Variants in MAD1L1 observed in about 807,000 individuals in gnomAD.
The protein encoded by MAD1L1 is mitotic arrest deficient 1 like 1, also known as mitotic spindle assembly checkpoint protein MAD1.
Under a neutral mutation model 96.9 loss-of-function variants are expected in MAD1L1, and 95 were observed. That is an observed-to-expected ratio of 0.98 (90% CI 0.83 to 1.16). The LOEUF is 1.16. MAD1L1 is among the 50% of genes most tolerant of loss of function. The pLI is 0.00. For synonymous variants in MAD1L1, 473 were observed against 396.6 expected, an observed-to-expected ratio of 1.19 and a Z score of -2.29; for missense variants, 1,007 against 954.4, an observed-to-expected ratio of 1.06 and a Z score of -0.73.
chr7:1,923,010 G>C (rs1181034886), intron 17 of MAD1L1, among the ~76,000 whole-genome samples: 1 of 152,160 alleles, frequency 6.6e-6, no homozygotes, highest in Non-Finnish European at 1.5e-5. Context: ...TTTGAAGTTG[G>C]GGTAAATGCT....
intron 17 of MAD1L1, among the ~76,000 whole-genome samples, chr7:1,927,151 C>A (rs1475685714): frequency 1.4e-4 from 21 of 151,744 alleles, no homozygotes. Context: ...ACAATAAAAC[C>A]AACAAAACCA....
At chr7:2,187,134 G>A (rs1240534575) in intron 10 of MAD1L1, among the ~76,000 whole-genome samples, 2 of 151,980 alleles carry the variant, frequency 1.3e-5, no homozygotes, top group Non-Finnish European at 2.9e-5. Flanking sequence ...GATCACTTGA[G>A]GTCAGGAGTT....
At chr7:2,070,912 C>T (rs1785093904) in intron 11 of MAD1L1, among the ~76,000 whole-genome samples, 1 of 152,134 alleles carries the variant, frequency 6.6e-6, no homozygotes, top group Admixed American at 6.5e-5. Context: ...ATGGCGCTTT[C>T]TTGGGCAGTG....
At chr7:2,002,458 G>A (rs886997206) in intron 13 of MAD1L1, among the ~76,000 whole-genome samples, 2 of 152,240 alleles carry the variant, frequency 1.3e-5, no homozygotes, top group East Asian at 3.8e-4. Flanking sequence ...TGGAACTGGG[G>A]AGAGACGGAG....
At chr7:2,130,164 G>A (rs778211480) in intron 11 of MAD1L1, among the ~76,000 whole-genome samples, 7 of 152,232 alleles carry the variant, frequency 4.6e-5, no homozygotes, top group Non-Finnish European at 8.8e-5. Context: ...CCCTGCCTTC[G>A]GCCCGCAGCA....
chr7:1,936,735 C>T lies in MAD1L1; in HGVS notation c.1759G>A (p.Asp587Asn), dbSNP rs758433048. The T allele has an allele frequency of 5.1e-5, 79 of 1,563,294 alleles. No homozygotes were observed. The highest frequency in any genetic ancestry group is 9.5e-5 in the Admixed American group (5 of 52,768). ...AGACTCGCGGCGGCAGCCTCAAGGT[C>T]GGCTGGGACGGTGCCTCCTCTCTCC... The part of the protein sequence containing the change: ...AMERGGTVPA[D>N]LEAAAASLPS... Residue 587 changes from aspartate to asparagine, a missense_variant, in exon 17 of 19, where the codon GAC becomes AAC. By Grantham distance (23) the Asp-to-Asn change is conservative. Transcript: ENST00000265854.
In MAD1L1 at chr7:2,156,276, G is replaced by A. The variant is rs188267139; in HGVS notation, c.987-7038C>T. Among the ~76,000 whole-genome samples the A allele has an allele frequency of 3.5e-3, 529 of 152,142 alleles. 7 individuals carry two copies. Among genetic ancestry groups the A allele is most frequent in the African/African-American group, 0.012 (483 of 41,430 alleles). ...ACGGCGCGTGTGGCGAGGGGAGCGGGCGCATGGTTTCACGGCGCGTGTGGC... is the reference window on the plus strand; with the variant it reads ...ACGGCGCGTGTGGCGAGGGGAGCGGACGCATGGTTTCACGGCGCGTGTGGC... On this transcript the variant is annotated intron_variant, in intron 10 of 18. Coordinates refer to ENST00000265854, the MANE Select transcript of MAD1L1 (RefSeq NM_001013836.2).
intron 12 of MAD1L1, among the ~76,000 whole-genome samples, chr7:2,024,648 G>A (rs774100335): frequency 1.3e-5 from 2 of 152,168 alleles, no homozygotes; most frequent in Non-Finnish European, 2.9e-5. Flanking sequence ...ATCACTCAGG[G>A]TTTAGTGCTT....
At chr7:2,010,623 C>T (rs1782255336) in intron 13 of MAD1L1, among the ~76,000 whole-genome samples, 1 of 152,224 alleles carries the variant, frequency 6.6e-6, no homozygotes, top group Non-Finnish European at 1.5e-5. Context: ...GTTCTCCCAA[C>T]TCAACACTGT....
intron 14 of MAD1L1, among the ~76,000 whole-genome samples, chr7:1,992,208 A>C (rs1781384433): frequency 6.6e-6 from 1 of 150,752 alleles, no homozygotes; most frequent in African/African-American, 2.5e-5. Flanking sequence ...CACCTGCCCC[A>C]CCAGAGCGCC....
In MAD1L1 at chr7:2,207,056, C is replaced by T. The variant is rs1051444721; in HGVS notation, c.986+6156G>A. ...TCGCACCATTGCACTCCAGCCTGGG[C>T]GACAGAGTAAGATTCCGTCTCAAAA... On this transcript the variant is annotated intron_variant, in intron 10 of 18. Coordinates refer to ENST00000265854, the MANE Select transcript of MAD1L1 (RefSeq NM_001013836.2). 5.0e-5 allele frequency among the ~76,000 whole-genome samples: 7 copies of T among 140,930 alleles called. 1 individual carries two copies. Among genetic ancestry groups the T allele is most frequent in the South Asian group, 4.4e-4 (2 of 4,554 alleles). The allele number at this position is 140,930 out of a possible 152,430, so 92.5% of individuals were successfully genotyped here. A position where few individuals can be genotyped will look rare whatever the true frequency, so the allele number is the denominator to read the frequency against.
At chr7:2,043,607 G>A (rs1417259529) in intron 12 of MAD1L1, among the ~76,000 whole-genome samples, 3 of 152,194 alleles carry the variant, frequency 2.0e-5, no homozygotes, top group South Asian at 4.1e-4. Context: ...TGGAGGCTAC[G>A]GGTGCCCTGC....
chr7:2,186,438 T>C (rs1258393489), intron 10 of MAD1L1, among the ~76,000 whole-genome samples: 5 of 152,248 alleles, frequency 3.3e-5, no homozygotes, highest in African/African-American at 4.8e-5. Context: ...ACAGGCCGTA[T>C]GATGCCATTT....
chr7:2,074,976 G>C (rs1785307754), intron 11 of MAD1L1, among the ~76,000 whole-genome samples: 1 of 152,226 alleles, frequency 6.6e-6, no homozygotes, highest in South Asian at 2.1e-4. Flanking sequence ...GGCCAACCGG[G>C]AGCAATGGGC....
At chr7:2,196,734 C>T (rs1792005271) in intron 10 of MAD1L1, among the ~76,000 whole-genome samples, 1 of 152,256 alleles carries the variant, frequency 6.6e-6, no homozygotes, top group Admixed American at 6.5e-5. Context: ...AGAGTCTGGC[C>T]TTCAACACGA....
intron 18 of MAD1L1, among the ~76,000 whole-genome samples, chr7:1,868,170 C>A (rs1443343571): frequency 1.3e-5 from 2 of 152,212 alleles, no homozygotes; most frequent in Non-Finnish European, 2.9e-5. Context: ...GCACTCCTGA[C>A]CCCACAGTGG....
At chr7:2,168,736 G>A (rs73039261) in intron 10 of MAD1L1, among the ~76,000 whole-genome samples, 4,006 of 152,370 alleles carry the variant, frequency 0.026, 91 homozygotes, top group South Asian at 0.073. Context: ...CGAGGTCAAG[G>A]TCCTGAGGCC....
chr7:2,038,760 G>A (rs1018714852), intron 12 of MAD1L1, among the ~76,000 whole-genome samples: 2 of 151,636 alleles, frequency 1.3e-5, no homozygotes, highest in Admixed American at 6.6e-5. Context: ...CAAGTGATCC[G>A]CCCACCTCGA....
rs558356916 is a variant in MAD1L1 at position 1,969,632 on chromosome 7, A to T, written c.1505+10821T>A. 6.6e-5 allele frequency among the ~76,000 whole-genome samples: 10 copies of T among 152,364 alleles called. 1 individual carries two copies. In the East Asian group the frequency reaches 1.3e-3, roughly 21 times the overall value. On this transcript the variant is annotated intron_variant, in intron 15 of 18. Coordinates refer to ENST00000265854, the MANE Select transcript of MAD1L1 (RefSeq NM_001013836.2). ...TACAGAAAACCCTAAAGAAGCTGCA[A>T]ATAACCTGTTCTAGTCAATAAACAA...
Sources: allele counts gnomAD v4.1 joint callset (sites outside exome capture counted in the v4.1 genomes callset), GRCh38; gene constraint gnomAD v4.1.1; transcripts MANE v1.5; gene names NCBI Gene and HGNC (gene_info 2026-07-23, HGNC 2026-07-21).